ZMYM4: variants seen among roughly 807,000 people sequenced by gnomAD.
ZMYM4 encodes zinc finger MYM-type containing 4.
ZMYM4 carries 31 observed loss-of-function variants against 183.2 expected under a neutral mutation model. The observed-to-expected ratio is 0.17, with a 90% CI of 0.13 to 0.23. The LOEUF is 0.23. Among genes scored for constraint, ZMYM4 ranks in the 10% least tolerant of loss-of-function variants. The pLI is 1.00. For missense variants in ZMYM4, 1,273 were observed against 1,840.3 expected, an observed-to-expected ratio of 0.69 and a Z score of 5.64; for synonymous variants, 592 against 631.2, an observed-to-expected ratio of 0.94 and a Z score of 0.93.
chr1:35,361,094 A>G, intron 3 of ZMYM4, 100 bp from the exon 4 acceptor site: 1 of 1,040,792 alleles, frequency 9.6e-7, no homozygotes, highest in South Asian at 1.9e-5. Context: ...CTTTGTTGGA[A>G]AAGAGAGGTG....
In ZMYM4 at chr1:35,357,061, A is replaced by T. The variant is rs562973041; in HGVS notation, c.86-1864A>T. Reference sequence around the variant, plus strand: ...ACTACACCTGGCTGATTAAAACAAAATTTTTTTTTGTAGAGATGGGCTTTT... The same window carrying T: ...ACTACACCTGGCTGATTAAAACAAATTTTTTTTTTGTAGAGATGGGCTTTT... On this transcript the variant is annotated intron_variant, in intron 2 of 29. Transcript: ENST00000314607. Among the ~76,000 whole-genome samples the T allele has an allele frequency of 1.6e-4, 24 of 151,646 alleles. No homozygotes were observed. The East Asian group carries it at 2.7e-3, about 17-fold the overall frequency.
Position 35,358,929 on chromosome 1 carries a change from T to C in ZMYM4, c.90T>C (p.Gly30=). ...AVFDEIVENC[G]GIMDTEMSED... ...AACAGTATTTTACTTTTTAAGGTGG[T>C]GGTATCATGGATACAGAAATGTCTG... The change falls in exon 3 of 30, where the codon GGT becomes GGC. Residue 30 remains glycine (G), a synonymous_variant. Coordinates refer to ENST00000314607, the MANE Select transcript of ZMYM4 (RefSeq NM_005095.3). 1.2e-6 allele frequency: 2 copies of C among 1,609,508 alleles called. No homozygotes were observed. Among genetic ancestry groups the C allele is most frequent in the South Asian group, 2.2e-5 (2 of 90,852 alleles).
At chr1:35,294,825 C>A (rs572712239) in intron 1 of ZMYM4, among the ~76,000 whole-genome samples, 43 of 152,320 alleles carry the variant, frequency 2.8e-4, no homozygotes, top group African/African-American at 1.0e-3. Flanking sequence ...GATTTGACTA[C>A]ATTGAAAACA....
In ZMYM4 at chr1:35,402,680, A is replaced by T. The variant is rs1644931619; in HGVS notation, c.3529-2343A>T. Among the ~76,000 whole-genome samples the T allele has an allele frequency of 2.6e-5, 4 of 152,120 alleles. No homozygotes were observed. The South Asian group carries it at 8.3e-4, about 32-fold the overall frequency. The stretch of plus-strand genomic sequence containing the variant: ...TTACTAGTATATAGAAATATAGATA[A>T]TTTTTTCTTCTATGATATTTATCTT... On this transcript the variant is annotated intron_variant, in intron 23 of 29. Transcript: ENST00000314607.
chr1:35,308,616 T>C (rs958465146), intron 1 of ZMYM4, among the ~76,000 whole-genome samples: 5 of 152,100 alleles, frequency 3.3e-5, no homozygotes, highest in African/African-American at 1.2e-4. Flanking sequence ...TCCCAGCTCT[T>C]TCGGAGGCCA....
chr1:35,384,841 C>CTTTT (rs748891728), intron 9 of ZMYM4, among the ~76,000 whole-genome samples: 2 of 127,414 alleles, frequency 1.6e-5, no homozygotes, highest in African/African-American at 6.2e-5. Context: ...TTTTCTTTTT[C>CTTTT]TTTTTTTTTT....
intron 1 of ZMYM4, among the ~76,000 whole-genome samples, chr1:35,273,566 A>G (rs1639722096): frequency 6.6e-6 from 1 of 152,142 alleles, no homozygotes; most frequent in African/African-American, 2.4e-5. Flanking sequence ...AATTGTATTC[A>G]TTTTCATACT....
At chr1:35,330,508 G>A (rs1319568766) in intron 2 of ZMYM4, among the ~76,000 whole-genome samples, 1 of 152,206 alleles carries the variant, frequency 6.6e-6, no homozygotes. Context: ...GAACTTTCCT[G>A]GAAAATCTAC....
At chr1:35,386,917 A>G in intron 11 of ZMYM4, 86 bp from the exon 12 acceptor site, 1 of 1,421,910 alleles carries the variant, frequency 7.0e-7, no homozygotes, top group Non-Finnish European at 9.5e-7. Context: ...ACATGCCTAG[A>G]ACGGTGCTTG....
chr1:35,329,272 TCTC>T (rs1349537318), intron 2 of ZMYM4, among the ~76,000 whole-genome samples: 1 of 152,218 alleles, frequency 6.6e-6, no homozygotes, highest in African/African-American at 2.4e-5. Flanking sequence ...TCAAGTTTGT[TCTC>T]CTGTGTCAGG....
intron 1 of ZMYM4, among the ~76,000 whole-genome samples, chr1:35,310,104 A>G (rs543235284): frequency 6.6e-6 from 1 of 151,682 alleles, no homozygotes; most frequent in East Asian, 1.9e-4. Flanking sequence ...TAATGTTTGT[A>G]TATTTTTTTT....
chr1:35,292,155 A>T (rs1395197337), intron 1 of ZMYM4: 1 of 152,112 alleles, frequency 6.6e-6, no homozygotes, highest in Non-Finnish European at 1.5e-5. Context: ...ACCTAAGAGA[A>T]AGCATATCTT....
chr1:35,345,659 C>T (rs1207686563), intron 2 of ZMYM4, among the ~76,000 whole-genome samples: 1 of 152,162 alleles, frequency 6.6e-6, no homozygotes, highest in East Asian at 1.9e-4. Context: ...GCTGCCCAGG[C>T]TGGCCTTGAA....
chr1:35,320,443 T>G (rs1642233728), intron 1 of ZMYM4, among the ~76,000 whole-genome samples: 1 of 152,228 alleles, frequency 6.6e-6, no homozygotes, highest in African/African-American at 2.4e-5. Context: ...TGCATCTCTT[T>G]CATCAGGTTG....
rs754903852 is a variant in ZMYM4, at chr1:35,381,371, A to G, written c.1294A>G (p.Ile432Val). ...AACATATGAACTGAAAAAAAAACCT[A>G]TTGTTACCATAAATACAAATAGTAT... is the stretch of plus-strand genomic sequence containing the variant. ...LSTYELKKKP[I>V]VTINTNSIST... Residue 432 changes from isoleucine (I) to valine (V), a missense_variant, in exon 8 of 30, where the codon ATT becomes GTT. This residue lies in a region of ZMYM4 where 319 missense variants were observed against 518.1 expected (regional missense o/e 0.62). Coordinates refer to ENST00000314607, the MANE Select transcript of ZMYM4 (RefSeq NM_005095.3). The G allele has an allele frequency of 5.0e-6, 8 of 1,612,746 alleles. No homozygotes were observed. The highest frequency in any genetic ancestry group is 1.7e-4 in the Middle Eastern group (1 of 6,060).
At chr1:35,351,129 C>T (rs1643590830) in intron 2 of ZMYM4, 1 of 1,000,320 alleles carries the variant, frequency 1.0e-6, no homozygotes, top group Non-Finnish European at 1.6e-6. Context: ...CAATCTTGGT[C>T]AGCCACGTGC....
chr1:35,381,789 TGTTCA>T (rs753594909), intron 9 of ZMYM4, 31 bp downstream of exon 9: 6 of 1,606,086 alleles, frequency 3.7e-6, no homozygotes, highest in African/African-American at 2.7e-5. Context: ...TTGATGTCTT[TGTTCA>T]GTTCAGGTAA....
At chr1:35,388,325 C>T (rs1644625867) in intron 13 of ZMYM4, among the ~76,000 whole-genome samples, 1 of 152,186 alleles carries the variant, frequency 6.6e-6, no homozygotes, top group African/African-American at 2.4e-5. Context: ...CTGCCTCAAC[C>T]TCCCGAGTAG....
Position 35,349,966 on chromosome 1 carries a change from A to T in ZMYM4, c.86-8959A>T, listed in dbSNP as rs376074880. 1.3e-4 allele frequency among the ~76,000 whole-genome samples: 18 copies of T among 143,510 alleles called. No homozygotes were observed. The East Asian group carries it at 1.3e-3, about 10-fold the overall frequency. 94.1% of individuals were successfully genotyped at this position (143,510 alleles called of 152,430 possible). ...ATTTAATTTTTGTTTTTCATTTTTT[A>T]TATATATATATTTTAAAGACAGAGT... On this transcript the variant is annotated intron_variant, in intron 2 of 29. Transcript: ENST00000314607.
Sources: gnomAD v4.1 joint callset for allele counts (sites outside exome capture counted in the v4.1 genomes callset) on GRCh38, gnomAD v4.1.1 for gene constraint, gnomAD v4.1.1 regional missense constraint, MANE v1.5 for transcripts, NCBI Gene and HGNC (gene_info 2026-07-23, HGNC 2026-07-21) for gene names.